The following CLHC1 variants were observed in gnomAD, a reference collection of about 807,000 sequenced individuals.
The protein encoded by CLHC1 is clathrin heavy chain linker domain containing 1, also known as clathrin heavy chain linker domain-containing protein 1.
In CLHC1, 72 loss-of-function variants were observed where a neutral mutation model predicts 69.5. The ratio of observed to expected loss-of-function variants is 1.04; its 90% CI spans 0.86 to 1.26. CLHC1 has a LOEUF of 1.26. Among genes scored for constraint, CLHC1 ranks in the 50% most tolerant of loss-of-function variants. The probability of loss-of-function intolerance (pLI) is 0.00; values close to 1 mark genes in which losing one functional copy is unlikely to be tolerated. For synonymous variants in CLHC1, 223 were observed against 224.3 expected, an observed-to-expected ratio of 0.99 and a Z score of 0.05; for missense variants, 790 against 679.3, an observed-to-expected ratio of 1.16 and a Z score of -1.81.
chr2:55,224,316 G>GT (rs1262956683), intron 2 of CLHC1: 1 of 468,084 alleles, frequency 2.1e-6, no homozygotes, highest in African/African-American at 2.0e-5. Flanking sequence ...CTCTGGGAGT[G>GT]TTTGAGTGTG....
chr2:55,180,767 A>G, intron 10 of CLHC1, 55 bp from the exon 11 acceptor site: 1 of 1,412,366 alleles, frequency 7.1e-7, no homozygotes, highest in South Asian at 1.2e-5. Flanking sequence ...TGAGTGGCTG[A>G]GACTGAAATA....
intron 12 of CLHC1, 85 bp from the exon 13 acceptor site, chr2:55,176,071 T>G: frequency 1.8e-6 from 2 of 1,101,684 alleles, no homozygotes; most frequent in Non-Finnish European, 2.6e-6. Context: ...GAAAAGGACA[T>G]AATTTCAACT....
intron 9 of CLHC1, among the ~76,000 whole-genome samples, chr2:55,203,164 A>G (rs1672122993): frequency 6.6e-6 from 1 of 152,212 alleles, no homozygotes; most frequent in Non-Finnish European, 1.5e-5. Context: ...TGAAGAGGAC[A>G]CACAAAAAAT....
intron 9 of CLHC1, among the ~76,000 whole-genome samples, chr2:55,190,858 C>G (rs1382190686): frequency 6.6e-6 from 1 of 151,836 alleles, no homozygotes; most frequent in Non-Finnish European, 1.5e-5. Flanking sequence ...AACCATAACC[C>G]ACAGATCCAA....
At chr2:55,218,413 C>T (rs1673788760) in intron 3 of CLHC1, 1 of 152,638 alleles carries the variant, frequency 6.6e-6, no homozygotes, top group African/African-American at 2.4e-5. Context: ...TTCTCTTCAC[C>T]TCCTTATTTT....
chr2:55,180,675 C>A lies in CLHC1; in HGVS notation c.1219G>T (p.Asp407Tyr). 2 of 1,614,062 alleles carry A rather than the reference C, an allele frequency of 1.2e-6. No homozygotes were observed. Among genetic ancestry groups the A allele is most frequent in the Admixed American group, 1.7e-5 (1 of 60,014 alleles). Residue 407 changes from aspartate (D) to tyrosine (Y), a missense_variant, in exon 11 of 13, where the codon GAT becomes TAT. By Grantham distance (160) the Asp-to-Tyr change is radical. Coordinates refer to ENST00000401408, the MANE Select transcript of CLHC1 (RefSeq NM_152385.4). Reference protein sequence around the residue: ...FSEEAGDVICDYGEQDTYNKA... With the variant: ...FSEEAGDVICYYGEQDTYNKA... ...TTATAAGTATCCTGCTCCCCATAAT[C>A]ACAAATCACATCCCCAGCCTCCTCA...
chr2:55,220,280 A>AC (rs1030414561), intron 3 of CLHC1, among the ~76,000 whole-genome samples: 7 of 152,156 alleles, frequency 4.6e-5, no homozygotes, highest in African/African-American at 1.7e-4. Context: ...CTTCTGCCCA[A>AC]CTAGTTCCTT....
intron 9 of CLHC1, among the ~76,000 whole-genome samples, chr2:55,184,052 T>A (rs1454383827): frequency 1.3e-5 from 2 of 151,938 alleles, no homozygotes; most frequent in Non-Finnish European, 2.9e-5. Flanking sequence ...GTGCTGGGAT[T>A]ACAGGCGTGA....
chr2:55,209,544 C>T (rs371042761), intron 6 of CLHC1, 28 bp from the exon 7 acceptor site: 1 of 1,577,272 alleles, frequency 6.3e-7, no homozygotes, highest in East Asian at 2.2e-5. Context: ...GTCAATAACA[C>T]ACTGAGCCTA....
chr2:55,220,883 G>A (rs1453291760), intron 3 of CLHC1, among the ~76,000 whole-genome samples: 1 of 151,978 alleles, frequency 6.6e-6, no homozygotes. Flanking sequence ...CAATATCATT[G>A]ATCCTAACAG....
In CLHC1 at chr2:55,209,675, T is replaced by C. The variant is rs1296748645; in HGVS notation, c.656A>G (p.Lys219Arg). Reference sequence around the variant, plus strand: ...CAGATTTTCAGCTACATCTCGCCGTTTTAATAACACAATCATTTCTTCATC... The same window carrying C: ...CAGATTTTCAGCTACATCTCGCCGTCTTAATAACACAATCATTTCTTCATC... ...DLDEEMIVLLKRRDVAENLNK... is the reference protein window; with the variant it reads ...DLDEEMIVLLRRRDVAENLNK... The change falls in exon 6 of 13, where the codon AAA becomes AGA. Residue 219 changes from lysine (K) to arginine (R), a missense_variant. By Grantham distance (26) the Lys-to-Arg change is conservative. Transcript: ENST00000401408. 6.2e-7 allele frequency: 1 copy of C among 1,614,132 alleles called. No individual in the cohort carries two copies. Among genetic ancestry groups the C allele is most frequent in the Admixed American group, 1.7e-5 (1 of 60,032 alleles).
At chr2:55,189,708 G>GA (rs1296145090) in intron 9 of CLHC1, among the ~76,000 whole-genome samples, 14 of 152,180 alleles carry the variant, frequency 9.2e-5, no homozygotes, top group African/African-American at 2.7e-4. Flanking sequence ...TCTGTACAGC[G>GA]TTCCCCACAG....
intron 9 of CLHC1, among the ~76,000 whole-genome samples, chr2:55,196,873 G>T (rs1279855514): frequency 6.6e-6 from 1 of 152,218 alleles, no homozygotes; most frequent in East Asian, 1.9e-4. Context: ...CCATAGTGAG[G>T]AAGAGCACCA....
intron 8 of CLHC1, 22 bp downstream of exon 8, chr2:55,208,604 T>C (rs190963114): frequency 1.2e-5 from 17 of 1,472,566 alleles, no homozygotes; most frequent in Middle Eastern, 1.7e-4. Flanking sequence ...TTCTGAAAAA[T>C]TAAAGCTTTT....
intron 9 of CLHC1, among the ~76,000 whole-genome samples, chr2:55,193,863 G>A (rs1671154250): frequency 6.6e-6 from 1 of 152,124 alleles, no homozygotes; most frequent in Non-Finnish European, 1.5e-5. Context: ...CAAAAAGTGG[G>A]AAAAGCCCAA....
At chr2:55,217,760 T>C (rs1040639884) in intron 4 of CLHC1, 51 bp downstream of exon 4, 1 of 1,223,738 alleles carries the variant, frequency 8.2e-7, no homozygotes. Context: ...GGCTAGTTAT[T>C]ATAATCAAGC....
chr2:55,198,962 C>A (rs899255776), intron 9 of CLHC1, among the ~76,000 whole-genome samples: 6 of 152,076 alleles, frequency 3.9e-5, no homozygotes, highest in African/African-American at 1.4e-4. Flanking sequence ...CCCAGACAAA[C>A]AAGCTGAGGG....
At chr2:55,188,959 AC>A (rs1670672777) in intron 9 of CLHC1, among the ~76,000 whole-genome samples, 1 of 152,242 alleles carries the variant, frequency 6.6e-6, no homozygotes, top group African/African-American at 2.4e-5. Context: ...AATATAAAAG[AC>A]ATATTTTTAT....
chr2:55,211,930 T>C (rs1673050464), intron 5 of CLHC1, among the ~76,000 whole-genome samples: 1 of 152,182 alleles, frequency 6.6e-6, no homozygotes, highest in Non-Finnish European at 1.5e-5. Flanking sequence ...CTTAATACAC[T>C]ACAGTTTTCC....
Sources: gnomAD v4.1 joint callset for allele counts (sites outside exome capture counted in the v4.1 genomes callset) on GRCh38, gnomAD v4.1.1 for gene constraint, MANE v1.5 for transcripts, NCBI Gene and HGNC (gene_info 2026-07-23, HGNC 2026-07-21) for gene names.